IGSF9B: variants seen among roughly 807,000 people sequenced by gnomAD.
The protein encoded by IGSF9B is protein turtle homolog B.
Under a neutral mutation model 143.7 loss-of-function variants are expected in IGSF9B, and 48 were observed. That is an observed-to-expected ratio of 0.33 (90% confidence interval 0.26 to 0.42). The LOEUF is 0.42. Among genes scored for constraint, IGSF9B ranks in the 20% least tolerant of loss-of-function variants. The pLI, the probability that IGSF9B is intolerant of heterozygous loss-of-function variation, is 1.00. For missense variants in IGSF9B, 1,706 were observed against 1,980.0 expected, an observed-to-expected ratio of 0.86 and a Z score of 2.63; for synonymous variants, 903 against 833.1, an observed-to-expected ratio of 1.08 and a Z score of -1.44.
intron 3 of IGSF9B, among the ~76,000 whole-genome samples, chr11:133,941,745 T>C (rs1295032564): frequency 1.3e-5 from 2 of 152,186 alleles, no homozygotes; most frequent in African/African-American, 4.8e-5. Flanking sequence ...CATTTCCCTA[T>C]GAACAGCCTA....
At position 133,931,912 on chromosome 11, in the gene IGSF9B, G is replaced by A; in HGVS notation, c.1111-117C>T. On this transcript the variant is annotated intron_variant, in intron 8 of 19. Coordinates refer to ENST00000533871, the MANE Select transcript of IGSF9B (RefSeq NM_001277285.4). The surrounding 1 kb of genome is among the most constrained non-coding windows in gnomAD (Gnocchi z 7.7). ...GGATAGTACAGGAGCTCCAGCCCGG[G>A]GCGGGCGGCACCCGCAGACCCCTAC... is the stretch of plus-strand genomic sequence containing the variant. The A allele has an allele frequency of 4.0e-6, 6 of 1,508,262 alleles. No individual in the cohort carries two copies. In the South Asian group the frequency reaches 7.5e-5, roughly 19 times the overall value. 93.4% of individuals were successfully genotyped at this position (1,508,262 alleles called of 1,614,324 possible). A position where few individuals can be genotyped will look rare whatever the true frequency, so the allele number is the denominator to read the frequency against.
intron 3 of IGSF9B, among the ~76,000 whole-genome samples, chr11:133,943,347 C>T (rs545383511): frequency 2.8e-4 from 42 of 152,344 alleles, no homozygotes; most frequent in African/African-American, 9.1e-4. Flanking sequence ...CCTCCCACGA[C>T]GGGGACCACT....
Position 133,928,017 on chromosome 11 carries a change from G to A in IGSF9B, c.1632-926C>T, listed in dbSNP as rs1396864124. On this transcript the variant is annotated intron_variant, in intron 12 of 19. Coordinates refer to ENST00000533871, the MANE Select transcript of IGSF9B (RefSeq NM_001277285.4). This position sits in a 1 kb window ranked among gnomAD's most constrained non-coding sequence, Gnocchi z 4.7. ...AGGAGACCTCCCCAACCTCGGCCCC[G>A]CCCTTCCCTGGCCCAGGCAACAAAG... is the stretch of plus-strand genomic sequence containing the variant. 1.3e-5 allele frequency among the ~76,000 whole-genome samples: 2 copies of A among 152,138 alleles called. No homozygotes were observed. The highest frequency in any genetic ancestry group is 2.1e-4 in the South Asian group (1 of 4,826).
chr11:133,947,382 C>A lies in IGSF9B; in HGVS notation c.65-1124G>T, dbSNP rs1423658289. Among the ~76,000 whole-genome samples, 15 of 152,214 alleles carry A rather than the reference C, an allele frequency of 9.9e-5. 1 individual carries two copies. The highest frequency in any genetic ancestry group is 9.8e-4 in the Admixed American group (15 of 15,286). On this transcript the variant is annotated intron_variant, in intron 1 of 19. Coordinates refer to ENST00000533871, the MANE Select transcript of IGSF9B (RefSeq NM_001277285.4). ...ATTCCCTGGTACTACCCCCTACTGC[C>A]AGTTGACCACAGCTTTCCCCAGCCC... is the stretch of plus-strand genomic sequence containing the variant.
At position 133,906,833 on chromosome 11, in the gene IGSF9B, C is replaced by T. The variant is rs1419317324; in HGVS notation, c.*2236G>A. Among the ~76,000 whole-genome samples, 1 of 152,188 alleles carries T rather than the reference C, an allele frequency of 6.6e-6. No homozygotes were observed. Among genetic ancestry groups the T allele is most frequent in the Non-Finnish European group, 1.5e-5 (1 of 68,026 alleles). ...GCTCCTCTGGGGTAGAAATCTCACA[C>T]TGCCAGTGCATAAAGGCTGCACGTC... On this transcript the variant is annotated 3_prime_UTR_variant, in exon 20 of 20. Transcript: ENST00000533871.
chr11:133,918,522 G>C (rs991275720), intron 18 of IGSF9B, among the ~76,000 whole-genome samples: 1 of 152,138 alleles, frequency 6.6e-6, no homozygotes, highest in East Asian at 1.9e-4. Flanking sequence ...CGGCACCTCC[G>C]CGCACAGGCG....
chr11:133,947,708 T>TTCTCTCTCTCTCTCTCTCTCTC lies in IGSF9B; in HGVS notation c.65-1472_65-1451dup, dbSNP rs112387633. Among the ~76,000 whole-genome samples, 200 of 134,890 alleles carry TTCTCTCTCTCTCTCTCTCTCTC rather than the reference T, an allele frequency of 1.5e-3. 7 individuals carry two copies. The highest frequency in any genetic ancestry group is 4.0e-3 in the Middle Eastern group (1 of 250). The allele number at this position is 134,890 out of a possible 152,430, so 88.5% of individuals were successfully genotyped here. On this transcript the variant is annotated intron_variant, in intron 1 of 19. Transcript: ENST00000533871. The stretch of plus-strand genomic sequence containing the variant: ...CACATGCTGGGCTCCTCTGTGTTTG[T>TTCTCTCTCTCTCTCTCTCTCTC]TCTCTCTCTCTCTCTCTCTCTCTCT...
chr11:133,945,472 G>GCA lies in IGSF9B; in HGVS notation c.262+587_262+588dup, dbSNP rs1940030115. Reference sequence around the variant, plus strand: ...CTCGCTCAATGACACGCACACGCACGCACACACACACCCACGCCCTCCTCT... The same window carrying GCA: ...CTCGCTCAATGACACGCACACGCACGCACACACACACACCCACGCCCTCCTCT... On this transcript the variant is annotated intron_variant, in intron 2 of 19. Transcript: ENST00000533871. The surrounding 1 kb of genome is among the most constrained non-coding windows in gnomAD (Gnocchi z 4.6). Among the ~76,000 whole-genome samples, 1 of 151,942 alleles carries GCA rather than the reference G, an allele frequency of 6.6e-6. No homozygotes were observed. Among genetic ancestry groups the GCA allele is most frequent in the Non-Finnish European group, 1.5e-5 (1 of 67,966 alleles).
rs532473617 is a variant in IGSF9B at position 133,899,918 on chromosome 11, C to A, written c.*9151G>T. The A allele has an allele frequency of 1.2e-3, 181 of 152,248 alleles. 2 individuals carry two copies. The highest frequency in any genetic ancestry group is 4.2e-3 in the African/African-American group (173 of 41,542). The allele number at this position is 152,248 out of a possible 1,614,324, so 9.4% of individuals were successfully genotyped here. On this transcript the variant is annotated 3_prime_UTR_variant, in exon 20 of 20. Coordinates refer to ENST00000533871, the MANE Select transcript of IGSF9B (RefSeq NM_001277285.4). ...AAGATCATTCAAGGCAAGGATGGTG[C>A]CACTGACAGTGGCACCAGCACTGGA...
Position 133,920,210 on chromosome 11 carries a change from T to G in IGSF9B, c.3515A>C (p.Glu1172Ala). ...GCTAGGCCGGGGCCGGGGCTGGGGC[T>G]CATACCACCGGGTGTCCAGGCCAAA... is the stretch of plus-strand genomic sequence containing the variant. Reference protein sequence around the residue: ...STFGLDTRWYEPQPRPRPSPR... With the variant: ...STFGLDTRWYAPQPRPRPSPR... The change falls in exon 18 of 20, where the codon GAG (glutamate) becomes GCG (alanine). Residue 1172 changes from glutamate (E) to alanine (A), a missense_variant. Glu to Ala is a moderately radical substitution (Grantham distance 107). Coordinates refer to ENST00000533871, the MANE Select transcript of IGSF9B (RefSeq NM_001277285.4). The G allele has an allele frequency of 6.6e-7, 1 of 1,513,846 alleles. No individual in the cohort carries two copies. Among genetic ancestry groups the G allele is most frequent in the Admixed American group, 2.3e-5 (1 of 44,234 alleles). 93.8% of individuals were successfully genotyped at this position (1,513,846 alleles called of 1,614,324 possible).
At chr11:133,912,262 A>G (rs549655510) in intron 18 of IGSF9B, 17 of 641,220 alleles carry the variant, frequency 2.7e-5, no homozygotes, top group South Asian at 2.4e-4. Flanking sequence ...AGACCCTAGC[A>G]AAGGCAGACA....
In IGSF9B at chr11:133,928,677, A is replaced by G. The variant is rs1013176626; in HGVS notation, c.1631+994T>C. 8.5e-5 allele frequency among the ~76,000 whole-genome samples: 13 copies of G among 152,148 alleles called. No individual in the cohort carries two copies. Among genetic ancestry groups the G allele is most frequent in the African/African-American group, 2.9e-4 (12 of 41,440 alleles). On this transcript the variant is annotated intron_variant, in intron 12 of 19. Transcript: ENST00000533871. This position sits in a 1 kb window ranked among gnomAD's most constrained non-coding sequence, Gnocchi z 4.7. The stretch of plus-strand genomic sequence containing the variant: ...GGCAGGTGGCTGCCACTCTTACTCA[A>G]ACAGGAGTGTAGGGAGGGGCAGCCC...
intron 1 of IGSF9B, among the ~76,000 whole-genome samples, chr11:133,954,681 G>C (rs1940219199): frequency 6.6e-6 from 1 of 152,184 alleles, no homozygotes; most frequent in Non-Finnish European, 1.5e-5. Context: ...ATTTGTCCAA[G>C]GTCACAGGGT....
At position 133,953,010 on chromosome 11, in the gene IGSF9B, T is replaced by C. The variant is rs1395470548; in HGVS notation, c.64+3681A>G. 6.6e-6 allele frequency among the ~76,000 whole-genome samples: 1 copy of C among 152,126 alleles called. No homozygotes were observed. On this transcript the variant is annotated intron_variant, in intron 1 of 19. Transcript: ENST00000533871. This position sits in a 1 kb window ranked among gnomAD's most constrained non-coding sequence, Gnocchi z 4.2. ...CTTAAATCTCAGGCCCAGCCCTCTT[T>C]GGAGCTTATCTCCCACCCCCACATC...
rs760758500 is a variant in IGSF9B at position 133,931,802 on chromosome 11, G to T, written c.1111-7C>A. On this transcript the variant is annotated splice_polypyrimidine_tract_variant and splice_region_variant and intron_variant, in intron 8 of 19. Transcript: ENST00000533871. This position sits in a 1 kb window ranked among gnomAD's most constrained non-coding sequence, Gnocchi z 7.7. Reference sequence around the variant, plus strand: ...TCAGGGTCCAACCGAGGTTCTGCCAGACACAGACGATAGGGCAGGGAACGC... The same window carrying T: ...TCAGGGTCCAACCGAGGTTCTGCCATACACAGACGATAGGGCAGGGAACGC... 2.5e-6 allele frequency: 4 copies of T among 1,611,222 alleles called. No individual in the cohort carries two copies. Among genetic ancestry groups the T allele is most frequent in the Admixed American group, 3.4e-5 (2 of 59,306 alleles).
At chr11:133,935,539 C>A in intron 7 of IGSF9B, 78 bp downstream of exon 7, 1 of 1,443,494 alleles carries the variant, frequency 6.9e-7, no homozygotes, top group Non-Finnish European at 9.3e-7. Flanking sequence ...GTCTTTGCTA[C>A]CCTCCAGCCT....
Position 133,931,632 on chromosome 11 carries a change from C to T in IGSF9B, c.1251+23G>A. On this transcript the variant is annotated intron_variant, in intron 9 of 19. Coordinates refer to ENST00000533871, the MANE Select transcript of IGSF9B (RefSeq NM_001277285.4). The surrounding 1 kb of genome is among the most constrained non-coding windows in gnomAD (Gnocchi z 7.7). The stretch of plus-strand genomic sequence containing the variant: ...GATCCAGGTGCCCAGCTCATGGAGG[C>T]CGTCACAGCCCTGGGACCTCACCTT... 1 of 1,607,374 alleles carries T rather than the reference C, an allele frequency of 6.2e-7. No individual in the cohort carries two copies. The highest frequency in any genetic ancestry group is 2.2e-5 in the East Asian group (1 of 44,730).
Position 133,928,324 on chromosome 11 carries a change from G to A in IGSF9B, c.1632-1233C>T, listed in dbSNP as rs1183976629. On this transcript the variant is annotated intron_variant, in intron 12 of 19. Coordinates refer to ENST00000533871, the MANE Select transcript of IGSF9B (RefSeq NM_001277285.4). This position sits in a 1 kb window ranked among gnomAD's most constrained non-coding sequence, Gnocchi z 4.7. Reference sequence around the variant, plus strand: ...GAGGAACAGAGTAAGGGGACGGGAGGTGAGCTGCGGCAACTCCCATCATCC... The same window carrying A: ...GAGGAACAGAGTAAGGGGACGGGAGATGAGCTGCGGCAACTCCCATCATCC... Among the ~76,000 whole-genome samples, 2 of 152,170 alleles carry A rather than the reference G, an allele frequency of 1.3e-5. No homozygotes were observed. The highest frequency in any genetic ancestry group is 2.9e-5 in the Non-Finnish European group (2 of 68,020).
Position 133,898,023 on chromosome 11 carries a change from A to AT in IGSF9B, c.*11045dup, listed in dbSNP as rs1407653034. On this transcript the variant is annotated 3_prime_UTR_variant, in exon 20 of 20. Transcript: ENST00000533871. ...CAGAAAGAAGACAAAATACAGCAAG[A>AT]TATCAGGAGCCAGTGGGAGGAAGGA... 1 of 152,148 alleles carries AT rather than the reference A, an allele frequency of 6.6e-6. No individual in the cohort carries two copies. Among genetic ancestry groups the AT allele is most frequent in the Non-Finnish European group, 1.5e-5 (1 of 68,020 alleles). 9.4% of individuals were successfully genotyped at this position (152,148 alleles called of 1,614,324 possible).
Sources: gnomAD v4.1 joint callset for allele counts (sites outside exome capture counted in the v4.1 genomes callset) on GRCh38, gnomAD v4.1.1 for gene constraint, Gnocchi (gnomAD v3.1) non-coding constraint, MANE v1.5 for transcripts, NCBI Gene and HGNC (gene_info 2026-07-23, HGNC 2026-07-21) for gene names.